MRAP2: variants seen among roughly 807,000 people sequenced by gnomAD.
The protein encoded by MRAP2 is melanocortin 2 receptor accessory protein 2, also known as melanocortin-2 receptor accessory protein 2.
Under a neutral mutation model 17.4 loss-of-function variants are expected in MRAP2, and 20 were observed. The ratio of observed to expected loss-of-function variants is 1.15; its 90% confidence interval spans 0.81 to 1.67. The LOEUF (loss-of-function observed/expected upper bound fraction) is 1.67. MRAP2 is among the 40% of genes most tolerant of loss of function. The pLI, the probability that MRAP2 is intolerant of heterozygous loss-of-function variation, is 0.00. For synonymous variants in MRAP2, 96 were observed against 88.4 expected (o/e 1.09, Z -0.48); for missense variants, 238 against 240.0 (o/e 0.99, Z 0.05).
rs75843412 is a variant in MRAP2, at chr6:84,055,812, C to A, written c.127+367C>A. Among the ~76,000 whole-genome samples, 16 of 152,238 alleles carry A rather than the reference C, an allele frequency of 1.1e-4. No homozygotes were observed. The East Asian group carries it at 2.9e-3, about 28-fold the overall frequency. Reference sequence around the variant, plus strand: ...GGATCTGGAACTGTTATTTGAAGAACCTTCTTTTGTAACACAGCAGCATCT... The same window carrying A: ...GGATCTGGAACTGTTATTTGAAGAAACTTCTTTTGTAACACAGCAGCATCT... On this transcript the variant is annotated intron_variant, in intron 2 of 3. Transcript: ENST00000257776.
intron 3 of MRAP2, among the ~76,000 whole-genome samples, chr6:84,064,029 A>G (rs2099493855): frequency 6.6e-6 from 1 of 151,714 alleles, no homozygotes; most frequent in African/African-American, 2.4e-5. Context: ...TGGGCAACAG[A>G]GCCAGACTCT....
intron 3 of MRAP2, among the ~76,000 whole-genome samples, chr6:84,077,871 T>C (rs551793097): frequency 6.6e-6 from 1 of 152,336 alleles, no homozygotes; most frequent in East Asian, 1.9e-4. Flanking sequence ...GGTAGAACTT[T>C]CTGTGATGAT....
At position 84,089,547 on chromosome 6, in the gene MRAP2, C is replaced by A; in HGVS notation, c.*66C>A. 1 of 1,526,990 alleles carries A rather than the reference C, an allele frequency of 6.5e-7. No homozygotes were observed. The allele number at this position is 1,526,990 out of a possible 1,614,324, so 94.6% of individuals were successfully genotyped here. A position where few individuals can be genotyped will look rare whatever the true frequency, so the allele number is the denominator to read the frequency against. On this transcript the variant is annotated 3_prime_UTR_variant, in exon 4 of 4. Coordinates refer to ENST00000257776, the MANE Select transcript of MRAP2 (RefSeq NM_138409.4). The stretch of plus-strand genomic sequence containing the variant: ...CTATCTTTATGTAGCAAGAAATCTA[C>A]ATCCACCAAAATTGTGTGTGTTTGG...
chr6:84,087,599 G>A (rs1305201703), intron 3 of MRAP2, among the ~76,000 whole-genome samples: 1 of 152,168 alleles, frequency 6.6e-6, no homozygotes, highest in Non-Finnish European at 1.5e-5. Context: ...ACAGTTGAGG[G>A]AAACTCATTT....
At chr6:84,099,972 C>T in the MRAP2 span, among the ~76,000 whole-genome samples, 1 of 151,918 alleles carries the variant, frequency 6.6e-6, no homozygotes. Flanking sequence ...GCGATTCTCC[C>T]GCCTCAGCCT....
the MRAP2 span, among the ~76,000 whole-genome samples, chr6:84,145,716 C>T: frequency 2.7e-4 from 41 of 152,210 alleles, no homozygotes; most frequent in African/African-American, 9.6e-4. Context: ...TCTTAATAAG[C>T]TGAAGCTGAA....
At chr6:84,115,239 G>T in the MRAP2 span, among the ~76,000 whole-genome samples, 1 of 152,214 alleles carries the variant, frequency 6.6e-6, no homozygotes, top group African/African-American at 2.4e-5. Flanking sequence ...GCCCCTGACT[G>T]GGGCTACTGC....
intron 1 of MRAP2, among the ~76,000 whole-genome samples, chr6:84,040,233 T>G (rs2099487169): frequency 6.6e-6 from 1 of 152,232 alleles, no homozygotes; most frequent in Non-Finnish European, 1.5e-5. Context: ...AGGATGTGTT[T>G]GCTTCCCCTT....
downstream of MRAP2, among the ~76,000 whole-genome samples, chr6:84,091,651 T>G (rs1034055913): frequency 1.3e-5 from 2 of 152,224 alleles, no homozygotes; most frequent in African/African-American, 4.8e-5. Flanking sequence ...GTAGATTTAT[T>G]GATCAGAAGA....
At chr6:84,117,552 G>A in the MRAP2 span, among the ~76,000 whole-genome samples, 1,134 of 150,742 alleles carry the variant, frequency 7.5e-3, 17 homozygotes, top group African/African-American at 0.026. Context: ...ATGTGTTATT[G>A]TTCTATTCAA....
chr6:84,047,987 A>G (rs1160451671), intron 1 of MRAP2, among the ~76,000 whole-genome samples: 2 of 152,232 alleles, frequency 1.3e-5, no homozygotes, highest in African/African-American at 4.8e-5. Flanking sequence ...ATTGCATTGT[A>G]TATACAACAT....
At chr6:84,064,544 G>A (rs1025104495) in intron 3 of MRAP2, among the ~76,000 whole-genome samples, 2 of 152,154 alleles carry the variant, frequency 1.3e-5, no homozygotes, top group African/African-American at 2.4e-5. Context: ...CTGGAGTGCA[G>A]TGGCGCCATC....
At chr6:84,112,726 T>C in the MRAP2 span, among the ~76,000 whole-genome samples, 1,020 of 152,238 alleles carry the variant, frequency 6.7e-3, 7 homozygotes, top group African/African-American at 0.023. Flanking sequence ...CTGCTTTCTC[T>C]TGTGGGCATT....
At chr6:84,069,518 C>T (rs957722143) in intron 3 of MRAP2, among the ~76,000 whole-genome samples, 3 of 152,200 alleles carry the variant, frequency 2.0e-5, no homozygotes, top group East Asian at 3.9e-4. Context: ...AGGATTTTAG[C>T]ATCTATGTTC....
At chr6:84,087,460 G>C (rs1287542353) in intron 3 of MRAP2, among the ~76,000 whole-genome samples, 1 of 152,118 alleles carries the variant, frequency 6.6e-6, no homozygotes, top group Non-Finnish European at 1.5e-5. Flanking sequence ...GTGATTTGGG[G>C]GTTCAAGATA....
At chr6:84,117,663 G>C in the MRAP2 span, among the ~76,000 whole-genome samples, 3 of 144,700 alleles carry the variant, frequency 2.1e-5, no homozygotes, top group Non-Finnish European at 4.4e-5. Flanking sequence ...GTGTGTGTGT[G>C]TGTGTGTGTG....
At chr6:84,125,339 C>CA in the MRAP2 span, 1 of 1,464,982 alleles carries the variant, frequency 6.8e-7, no homozygotes, top group South Asian at 1.2e-5. Context: ...GAACATTTAA[C>CA]AATCTTAAAG....
chr6:84,129,189 T>C, the MRAP2 span, among the ~76,000 whole-genome samples: 30 of 152,318 alleles, frequency 2.0e-4, no homozygotes, highest in East Asian at 5.4e-3. Context: ...TGATTTATAA[T>C]CCTTTGGGTA....
At chr6:84,140,228 C>T in the MRAP2 span, among the ~76,000 whole-genome samples, 1 of 152,108 alleles carries the variant, frequency 6.6e-6, no homozygotes, top group African/African-American at 2.4e-5. Flanking sequence ...TAAGAGACGG[C>T]AGTCCATTAG....
Sources: allele counts gnomAD v4.1 joint callset (sites outside exome capture counted in the v4.1 genomes callset), GRCh38; gene constraint gnomAD v4.1.1; transcripts MANE v1.5; gene names NCBI Gene and HGNC (gene_info 2026-07-23, HGNC 2026-07-21).